Variants in TTC17 observed in about 807,000 individuals in gnomAD.
TTC17 encodes tetratricopeptide repeat protein 17.
Under a neutral mutation model 143.8 loss-of-function variants are expected in TTC17, and 58 were observed. The observed-to-expected ratio is 0.40, with a 90% confidence interval of 0.33 to 0.50. The LOEUF is 0.50. Among genes scored for constraint, TTC17 ranks in the 20% least tolerant of loss-of-function variants. TTC17 has a pLI of 0.49. For synonymous variants in TTC17, 501 were observed against 497.8 expected (o/e 1.01, Z -0.09); for missense variants, 1,273 against 1,392.5 (o/e 0.91, Z 1.37).
chr11:43,398,187 A>G, intron 8 of TTC17, 74 bp downstream of exon 8: 1 of 1,545,690 alleles, frequency 6.5e-7, no homozygotes, highest in Non-Finnish European at 8.8e-7. Flanking sequence ...AGGGGATATC[A>G]GTGTTAATTT....
At position 43,391,820 on chromosome 11, in the gene TTC17, G is replaced by T; in HGVS notation, c.532-1G>T. 6.2e-7 allele frequency: 1 copy of T among 1,610,958 alleles called. No homozygotes were observed. Among genetic ancestry groups the T allele is most frequent in the South Asian group, 1.1e-5 (1 of 90,092 alleles). On this transcript the variant is annotated splice_acceptor_variant, in intron 4 of 23. Transcript: ENST00000039989. LOFTEE classifies it high-confidence loss of function. ...CTTTTGAATCTTTTTCTTCTCTTCA[G>T]GGTGTACAGGAGAGAGTTAATCTTT...
chr11:43,369,506 GTGATAGTCAAGGTTTAGCA>G (rs1287190511), intron 1 of TTC17, among the ~76,000 whole-genome samples: 23 of 152,248 alleles, frequency 1.5e-4, no homozygotes, highest in Middle Eastern at 6.8e-3. Context: ...GGAAATTCAG[GTGATAGTCAAGGTTTAGCA>G]TGATAGTCAA....
chr11:43,481,093 CAT>C (rs1285283395), intron 21 of TTC17, among the ~76,000 whole-genome samples: 1 of 152,032 alleles, frequency 6.6e-6, no homozygotes. Flanking sequence ...ACCTGAAAAA[CAT>C]ATATTTCAAA....
chr11:43,439,995 G>GA (rs1356683970), intron 16 of TTC17, among the ~76,000 whole-genome samples: 16 of 152,234 alleles, frequency 1.1e-4, no homozygotes, highest in African/African-American at 2.6e-4. Context: ...CGAAAATCAA[G>GA]AAAAAATAGG....
At chr11:43,438,999 T>A (rs927804640) in intron 16 of TTC17, among the ~76,000 whole-genome samples, 1 of 152,232 alleles carries the variant, frequency 6.6e-6, no homozygotes, top group Non-Finnish European at 1.5e-5. Flanking sequence ...AGTTTTGTCT[T>A]ATGAGGCTAA....
intron 11 of TTC17, among the ~76,000 whole-genome samples, chr11:43,405,099 T>C (rs1163798414): frequency 6.6e-6 from 1 of 151,422 alleles, no homozygotes; most frequent in African/African-American, 2.4e-5. Context: ...TTTTTCTTTT[T>C]TTTTTTTTTT....
At chr11:43,400,785 T>A (rs1857819104) in intron 9 of TTC17, among the ~76,000 whole-genome samples, 1 of 152,200 alleles carries the variant, frequency 6.6e-6, no homozygotes, top group South Asian at 2.1e-4. Flanking sequence ...GGAACTTGGG[T>A]TGGCATGAGA....
intron 16 of TTC17, 146 bp from the exon 17 acceptor site, chr11:43,443,179 T>C: frequency 1.1e-6 from 1 of 913,456 alleles, no homozygotes; most frequent in Non-Finnish European, 1.6e-6. Flanking sequence ...ATTTTGAAGA[T>C]GCTGAATGGA....
intron 16 of TTC17, 122 bp downstream of exon 16, chr11:43,414,898 C>A: frequency 9.7e-7 from 1 of 1,026,744 alleles, no homozygotes; most frequent in South Asian, 1.7e-5. Flanking sequence ...CAGTATAATT[C>A]CAGATGCATA....
At position 43,414,693 on chromosome 11, in the gene TTC17, C is replaced by T; in HGVS notation, c.2168C>T (p.Pro723Leu). The T allele has an allele frequency of 6.2e-7, 1 of 1,613,762 alleles. No homozygotes were observed. Among genetic ancestry groups the T allele is most frequent in the Non-Finnish European group, 8.5e-7 (1 of 1,179,780 alleles). The change falls in exon 16 of 24, where the codon CCA (proline) becomes CTA (leucine). Residue 723 changes from proline (P) to leucine (L), a missense_variant. Coordinates refer to ENST00000039989, the MANE Select transcript of TTC17 (RefSeq NM_018259.6). ...RQALKLTTKCPECENSLKLIR... is the reference protein window; with the variant it reads ...RQALKLTTKCLECENSLKLIR... ...GCCTTGAAATTAACCACCAAATGTC[C>T]AGAGTGTGAAAACAGCCTGAAGTTG...
In TTC17 at chr11:43,414,580, T is replaced by C. The variant is rs1244001275; in HGVS notation, c.2065-10T>C. ...TCATTAACATTTTGCCGATTTTTTT[T>C]TCTTTTCAGCCTCTGACCTTTTTGA... is the stretch of plus-strand genomic sequence containing the variant. On this transcript the variant is annotated splice_polypyrimidine_tract_variant and intron_variant, in intron 15 of 23. Coordinates refer to ENST00000039989, the MANE Select transcript of TTC17 (RefSeq NM_018259.6). 1.3e-6 allele frequency: 2 copies of C among 1,582,408 alleles called. No individual in the cohort carries two copies. The highest frequency in any genetic ancestry group is 4.5e-5 in the East Asian group (2 of 44,552).
intron 16 of TTC17, among the ~76,000 whole-genome samples, chr11:43,423,306 G>A (rs1313196422): frequency 2.0e-5 from 3 of 150,800 alleles, no homozygotes; most frequent in African/African-American, 7.5e-5. Flanking sequence ...TGGGAATACA[G>A]AGGAGAAATC....
Position 43,407,358 on chromosome 11 carries a change from T to C in TTC17, c.1845T>C (p.Asn615=). The C allele has an allele frequency of 6.2e-7, 1 of 1,612,930 alleles. No homozygotes were observed. Among genetic ancestry groups the C allele is most frequent in the Non-Finnish European group, 8.5e-7 (1 of 1,179,400 alleles). The part of the protein sequence containing the change: ...SFLFHAINKP[N]APIWLILNEA... ...AGTATTTTTGGATTTTTCAGCCAAA[T>C]GCTCCTATCTGGCTCATACTCAATG... The change falls in exon 15 of 24, where the codon AAT becomes AAC. Residue 615 remains asparagine (N), a synonymous_variant. Transcript: ENST00000039989.
In TTC17 at chr11:43,399,923, A is replaced by G. The variant is rs1175382566; in HGVS notation, c.1094A>G (p.Tyr365Cys). Residue 365 changes from tyrosine (Y) to cysteine (C), a missense_variant, in exon 9 of 24, where the codon TAT (tyrosine) becomes TGT (cysteine). Physicochemically the swap from Tyr to Cys is radical, Grantham distance 194 (BLOSUM62 -2). Transcript: ENST00000039989. ...CGAACACTGAATGAGTTAAAAGAGT[A>G]TCAAAAGCAGCATGACCACTACCTG... ...LQRTLNELKEYQKQHDHYLRQ... is the reference protein window; with the variant it reads ...LQRTLNELKECQKQHDHYLRQ... 6.2e-7 allele frequency: 1 copy of G among 1,613,854 alleles called. No homozygotes were observed. The highest frequency in any genetic ancestry group is 1.3e-5 in the African/African-American group (1 of 75,016).
chr11:43,382,352 CAT>C (rs1008585235), intron 2 of TTC17, among the ~76,000 whole-genome samples: 7 of 152,014 alleles, frequency 4.6e-5, no homozygotes, highest in African/African-American at 1.7e-4. Context: ...AAGTTAAAAA[CAT>C]TGATGAAAAA....
chr11:43,450,462 G>A (rs1224858911), intron 20 of TTC17, among the ~76,000 whole-genome samples: 5 of 152,138 alleles, frequency 3.3e-5, no homozygotes, highest in Non-Finnish European at 7.4e-5. Context: ...TTTTAATTCT[G>A]ATTTACCCCT....
intron 21 of TTC17, among the ~76,000 whole-genome samples, chr11:43,464,711 AG>A (rs897791808): frequency 6.6e-6 from 1 of 152,116 alleles, no homozygotes; most frequent in African/African-American, 2.4e-5. Context: ...AATTATAAAG[AG>A]GAAAAAAATG....
intron 2 of TTC17, among the ~76,000 whole-genome samples, chr11:43,379,738 A>T (rs1856893779): frequency 6.6e-6 from 1 of 152,162 alleles, no homozygotes; most frequent in Non-Finnish European, 1.5e-5. Flanking sequence ...AGGTAGTAAA[A>T]ACTAATGTCT....
At chr11:43,434,222 C>T (rs963838696) in intron 16 of TTC17, among the ~76,000 whole-genome samples, 5 of 129,310 alleles carry the variant, frequency 3.9e-5, no homozygotes, top group African/African-American at 1.2e-4. Context: ...CACACACACA[C>T]ACACACACAC....
Sources: allele counts gnomAD v4.1 joint callset (sites outside exome capture counted in the v4.1 genomes callset), GRCh38; gene constraint gnomAD v4.1.1; transcripts MANE v1.5; gene names NCBI Gene and HGNC (gene_info 2026-07-23, HGNC 2026-07-21).